FAIM2: variants seen among roughly 807,000 people sequenced by gnomAD.
The protein encoded by FAIM2 is protein lifeguard 2.
In FAIM2, 27 loss-of-function variants were observed where a neutral mutation model predicts 47.4. The ratio of observed to expected loss-of-function variants is 0.57; its 90% CI spans 0.42 to 0.78. FAIM2 has a LOEUF of 0.78. Among genes scored for constraint, FAIM2 ranks in the 30% least tolerant of loss-of-function variants. The probability of loss-of-function intolerance (pLI) is 0.00; values close to 1 mark genes in which losing one functional copy is unlikely to be tolerated. For synonymous variants in FAIM2, 156 were observed against 159.3 expected, an observed-to-expected ratio of 0.98 and a Z score of 0.16; for missense variants, 311 against 389.4, an observed-to-expected ratio of 0.80 and a Z score of 1.69.
At chr12:49,871,323 G>C (rs1283209111) in intron 11 of FAIM2, among the ~76,000 whole-genome samples, 1 of 152,206 alleles carries the variant, frequency 6.6e-6, no homozygotes, top group East Asian at 1.9e-4. Context: ...ATTCTGCCCT[G>C]CTGCTAACAG....
rs573293676 is a variant in FAIM2, at chr12:49,869,139, G to A, written c.*1365C>T. 2.6e-5 allele frequency: 4 copies of A among 152,634 alleles called. No individual in the cohort carries two copies. The highest frequency in any genetic ancestry group is 2.1e-4 in the South Asian group (1 of 4,826). The allele number at this position is 152,634 out of a possible 1,614,324, so 9.5% of individuals were successfully genotyped here. On this transcript the variant is annotated 3_prime_UTR_variant, in exon 12 of 12. Transcript: ENST00000320634. ...TGGCCACTGCACATGCTGGCTGCAC[G>A]CTCCCCCAGTGTGGCCTCCTGGTTC... is the stretch of plus-strand genomic sequence containing the variant.
At chr12:49,877,587 A>C (rs2137081741) in intron 11 of FAIM2, among the ~76,000 whole-genome samples, 2 of 152,412 alleles carry the variant, frequency 1.3e-5, no homozygotes, top group African/African-American at 4.8e-5. Context: ...ATTGTGAGGA[A>C]GGTAGGGCAT....
At chr12:49,896,198 G>A (rs1946936143) in intron 5 of FAIM2, among the ~76,000 whole-genome samples, 1 of 152,182 alleles carries the variant, frequency 6.6e-6, no homozygotes, top group Non-Finnish European at 1.5e-5. Context: ...CCCCCGTACA[G>A]GGCTGGGCTC....
chr12:49,896,044 T>C (rs1946934745), intron 5 of FAIM2, among the ~76,000 whole-genome samples: 1 of 152,256 alleles, frequency 6.6e-6, no homozygotes, highest in Non-Finnish European at 1.5e-5. Context: ...CCTGTCTTCA[T>C]GGCCCATCCT....
intron 5 of FAIM2, among the ~76,000 whole-genome samples, chr12:49,892,917 T>C (rs1946910228): frequency 6.6e-6 from 1 of 152,162 alleles, no homozygotes; most frequent in African/African-American, 2.4e-5. Flanking sequence ...ATGTCATGCA[T>C]CCTCCAAGTC....
rs1946867886 is a variant in FAIM2, at chr12:49,887,237, A to G, written c.801+149T>C. The G allele has an allele frequency of 5.7e-6, 4 of 695,774 alleles. No individual in the cohort carries two copies. The East Asian group carries it at 1.1e-4, about 19-fold the overall frequency. The allele number at this position is 695,774 out of a possible 1,614,324, so 43.1% of individuals were successfully genotyped here. On this transcript the variant is annotated intron_variant, in intron 11 of 11. Coordinates refer to ENST00000320634, the MANE Select transcript of FAIM2 (RefSeq NM_012306.4). ...GGTAGAATCCCCCAAATGAACAAAC[A>G]AACAAACGCAGCACCGAGCCTAGCC...
At chr12:49,883,119 G>C (rs1307845008) in intron 11 of FAIM2, among the ~76,000 whole-genome samples, 1 of 152,172 alleles carries the variant, frequency 6.6e-6, no homozygotes, top group Non-Finnish European at 1.5e-5. Flanking sequence ...CACGAGTCCA[G>C]TGTGGCTACA....
At chr12:49,887,460 G>C (rs557523076) in intron 10 of FAIM2, 21 bp from the exon 11 acceptor site, 1 of 1,606,658 alleles carries the variant, frequency 6.2e-7, no homozygotes, top group African/African-American at 1.3e-5. Flanking sequence ...GGAAAAATGG[G>C]CTTAGGGACG....
intron 11 of FAIM2, 62 bp from the exon 12 acceptor site, chr12:49,870,715 G>T (rs1946696602): frequency 1.3e-6 from 2 of 1,553,910 alleles, no homozygotes; most frequent in South Asian, 2.3e-5. Flanking sequence ...CACTGACTAT[G>T]GCAGCCCAGG....
At position 49,867,715 on chromosome 12, in the gene FAIM2, T is replaced by C. The variant is rs947678040; in HGVS notation, c.*2789A>G. 6.6e-6 allele frequency: 1 copy of C among 152,258 alleles called. No homozygotes were observed. The highest frequency in any genetic ancestry group is 1.5e-5 in the Non-Finnish European group (1 of 68,096). 9.4% of individuals were successfully genotyped at this position (152,258 alleles called of 1,614,324 possible). A position where few individuals can be genotyped will look rare whatever the true frequency, so the allele number is the denominator to read the frequency against. On this transcript the variant is annotated 3_prime_UTR_variant, in exon 12 of 12. Coordinates refer to ENST00000320634, the MANE Select transcript of FAIM2 (RefSeq NM_012306.4). ...GTGAAGGGCCTGCAGACTCCCTTCCTCCTTTACAGCTTGTGACACCTGCTC... is the reference window on the plus strand; with the variant it reads ...GTGAAGGGCCTGCAGACTCCCTTCCCCCTTTACAGCTTGTGACACCTGCTC...
chr12:49,900,762 G>A (rs1053856501), intron 2 of FAIM2, among the ~76,000 whole-genome samples: 3 of 152,138 alleles, frequency 2.0e-5, no homozygotes, highest in African/African-American at 7.2e-5. Context: ...GAAGGCTGTG[G>A]CCAGTGGCAG....
chr12:49,898,111 G>A (rs1228874196), intron 2 of FAIM2, 21 bp from the exon 3 acceptor site: 5 of 1,574,338 alleles, frequency 3.2e-6, no homozygotes, highest in African/African-American at 2.7e-5. Flanking sequence ...CGTGGAGGAG[G>A]AGGACATGAG....
chr12:49,898,147 C>T, intron 2 of FAIM2, 57 bp from the exon 3 acceptor site: 2 of 1,166,112 alleles, frequency 1.7e-6, no homozygotes, highest in South Asian at 2.5e-5. Flanking sequence ...GAATTACTGT[C>T]CCCAACAGCC....
At chr12:49,894,627 G>A (rs1217756767) in intron 5 of FAIM2, among the ~76,000 whole-genome samples, 1 of 152,214 alleles carries the variant, frequency 6.6e-6, no homozygotes, top group African/African-American at 2.4e-5. Context: ...GGACAGGGAA[G>A]TAAGGCTCAG....
intron 8 of FAIM2, among the ~76,000 whole-genome samples, chr12:49,889,799 G>A (rs1020701249): frequency 1.3e-5 from 2 of 152,202 alleles, no homozygotes; most frequent in African/African-American, 4.8e-5. Flanking sequence ...TGAGGTGGGA[G>A]TGGGAGTGGG....
intron 11 of FAIM2, among the ~76,000 whole-genome samples, chr12:49,880,670 G>A (rs910936307): frequency 2.6e-5 from 4 of 151,340 alleles, no homozygotes; most frequent in South Asian, 2.1e-4. Context: ...ATGTGTGTGC[G>A]TGTCTATATG....
At chr12:49,873,189 A>G (rs1946714772) in intron 11 of FAIM2, among the ~76,000 whole-genome samples, 2 of 152,122 alleles carry the variant, frequency 1.3e-5, no homozygotes, top group African/African-American at 4.8e-5. Flanking sequence ...CAGGAGTTGA[A>G]ATGCCTGGGT....
intron 11 of FAIM2, among the ~76,000 whole-genome samples, chr12:49,879,458 G>A (rs1946783784): frequency 6.7e-6 from 1 of 150,242 alleles, no homozygotes; most frequent in African/African-American, 2.5e-5. Context: ...GTGTGCATAC[G>A]TGTATATGTG....
intron 1 of FAIM2, chr12:49,901,600 T>G (rs1239073896): frequency 1.2e-5 from 4 of 338,152 alleles, no homozygotes; most frequent in Admixed American, 4.9e-5. Context: ...TCACTGTCAT[T>G]GTCCCTGGGG....
Sources: allele counts gnomAD v4.1 joint callset (sites outside exome capture counted in the v4.1 genomes callset), GRCh38; gene constraint gnomAD v4.1.1; transcripts MANE v1.5; gene names NCBI Gene and HGNC (gene_info 2026-07-23, HGNC 2026-07-21).